Variants in CPED1 observed in about 807,000 individuals in gnomAD.
The protein encoded by CPED1 is cadherin-like and PC-esterase domain-containing protein 1.
In CPED1, 114 loss-of-function variants were observed where a neutral mutation model predicts 128.2. That is an observed-to-expected ratio of 0.89 (90% CI 0.76 to 1.04). The LOEUF (loss-of-function observed/expected upper bound fraction) is 1.04, where lower values mean the gene tolerates loss of function less well. CPED1 is among the 50% of genes least tolerant of loss of function. CPED1 has a pLI of 0.00. For missense variants in CPED1, 1,211 were observed against 1,207.1 expected (o/e 1.00, Z -0.05); for synonymous variants, 462 against 426.7 (o/e 1.08, Z -1.02).
intron 22 of CPED1, among the ~76,000 whole-genome samples, chr7:121,286,341 C>T (rs1448144964): frequency 6.6e-6 from 1 of 152,170 alleles, no homozygotes; most frequent in Non-Finnish European, 1.5e-5. Context: ...GTGAGACATT[C>T]CAAGTTGCAT....
At chr7:121,125,323 G>A (rs1454723556) in intron 8 of CPED1, among the ~76,000 whole-genome samples, 1 of 151,970 alleles carries the variant, frequency 6.6e-6, no homozygotes, top group Non-Finnish European at 1.5e-5. Context: ...TTTAAGTTCT[G>A]GGATATATGT....
In CPED1 at chr7:121,182,985, T is replaced by C. The variant is rs1012076133; in HGVS notation, c.2055+40844T>C. ...CTATTTATTATCCTGAGTTCCTATCTTTGTCTTTTCAAAGAAAAAAAAAAC... is the reference window on the plus strand; with the variant it reads ...CTATTTATTATCCTGAGTTCCTATCCTTGTCTTTTCAAAGAAAAAAAAAAC... On this transcript the variant is annotated intron_variant, in intron 16 of 22. Transcript: ENST00000310396. Among the ~76,000 whole-genome samples the C allele has an allele frequency of 6.6e-5, 10 of 152,016 alleles. 1 individual carries two copies. The highest frequency in any genetic ancestry group is 3.9e-4 in the Admixed American group (6 of 15,238).
chr7:121,124,876 T>C (rs1795467689), intron 8 of CPED1, among the ~76,000 whole-genome samples: 1 of 152,230 alleles, frequency 6.6e-6, no homozygotes, highest in South Asian at 2.1e-4. Flanking sequence ...AGAACTTTAT[T>C]AAGAAAATTC....
intron 3 of CPED1, 54 bp from the exon 4 acceptor site, chr7:121,046,833 C>G: frequency 8.6e-7 from 1 of 1,162,806 alleles, no homozygotes; most frequent in Admixed American, 2.1e-5. Context: ...TTAAATATTG[C>G]TTTTAAAATA....
chr7:121,130,048 T>C (rs954137525), intron 11 of CPED1, 77 bp from the exon 12 acceptor site: 3 of 1,094,164 alleles, frequency 2.7e-6, no homozygotes, highest in African/African-American at 3.3e-5. Context: ...AATAAATGAC[T>C]AAGTATAAGG....
At chr7:121,239,382 G>T (rs1798335123) in intron 17 of CPED1, among the ~76,000 whole-genome samples, 1 of 151,788 alleles carries the variant, frequency 6.6e-6, no homozygotes, top group South Asian at 2.1e-4. Flanking sequence ...TTAGGAAATA[G>T]TTTAACTGTA....
intron 16 of CPED1, among the ~76,000 whole-genome samples, chr7:121,196,056 C>T (rs1230770094): frequency 5.9e-5 from 9 of 151,964 alleles, no homozygotes; most frequent in Admixed American, 5.9e-4. Flanking sequence ...CAAAGAAAAC[C>T]TTGTTGTAAG....
chr7:121,067,370 T>C (rs1257369886), intron 5 of CPED1, among the ~76,000 whole-genome samples: 1 of 152,090 alleles, frequency 6.6e-6, no homozygotes, highest in Non-Finnish European at 1.5e-5. Flanking sequence ...TGGTGTTTGT[T>C]TTTTTGTCCT....
At chr7:121,055,828 A>G (rs919654010) in intron 4 of CPED1, among the ~76,000 whole-genome samples, 5 of 151,972 alleles carry the variant, frequency 3.3e-5, no homozygotes, top group Admixed American at 1.3e-4. Context: ...TCTCCCAGAA[A>G]TGAATAGAAG....
chr7:121,113,245 T>C (rs1412629328), intron 7 of CPED1, among the ~76,000 whole-genome samples: 1 of 152,196 alleles, frequency 6.6e-6, no homozygotes, highest in African/African-American at 2.4e-5. Context: ...AAATCCCTAC[T>C]ATGTGCTGGG....
At chr7:120,992,262 A>T (rs1373909348) in intron 2 of CPED1, among the ~76,000 whole-genome samples, 1 of 152,136 alleles carries the variant, frequency 6.6e-6, no homozygotes, top group Non-Finnish European at 1.5e-5. Flanking sequence ...CTATCTGTAA[A>T]TTTTGGATTT....
intron 16 of CPED1, among the ~76,000 whole-genome samples, chr7:121,236,277 A>G (rs117600626): frequency 6.6e-6 from 1 of 152,296 alleles, no homozygotes; most frequent in Non-Finnish European, 1.5e-5. Flanking sequence ...AAATACATGC[A>G]TCTGATTCCA....
chr7:121,130,161 A>T lies in CPED1; in HGVS notation c.1444A>T (p.Met482Leu). The T allele has an allele frequency of 6.2e-7, 1 of 1,612,800 alleles. No individual in the cohort carries two copies. The highest frequency in any genetic ancestry group is 8.5e-7 in the Non-Finnish European group (1 of 1,179,060). ...PSTTPGIQSL[M>L]HEFYDVANPV... is the part of the protein sequence containing the mutation. The stretch of plus-strand genomic sequence containing the variant: ...TACTACTCCTGGGATTCAGTCACTG[A>T]TGCATGAATTTTATGATGTGGCAAA... The change falls in exon 12 of 23, where the codon ATG becomes TTG. Residue 482 changes from methionine (M) to leucine (L), a missense_variant. Transcript: ENST00000310396.
chr7:121,044,648 C>CTTTTTGTTT (rs35159862), intron 3 of CPED1, among the ~76,000 whole-genome samples: 1 of 69,540 alleles, frequency 1.4e-5, no homozygotes, highest in Non-Finnish European at 2.8e-5. Flanking sequence ...TGACTTTCTG[C>CTTTTTGTTT]TCTTTTTTTT....
At chr7:121,058,693 A>G (rs1267459230) in intron 4 of CPED1, among the ~76,000 whole-genome samples, 1 of 152,232 alleles carries the variant, frequency 6.6e-6, no homozygotes, top group Non-Finnish European at 1.5e-5. Context: ...TAGGCAAAGC[A>G]CCTACAGCCT....
chr7:121,101,151 C>G (rs969970976), intron 7 of CPED1, among the ~76,000 whole-genome samples: 2 of 152,190 alleles, frequency 1.3e-5, no homozygotes, highest in Non-Finnish European at 2.9e-5. Flanking sequence ...TCTCAAGACT[C>G]TTTTGGTCTC....
chr7:121,264,736 G>C (rs1187591151), intron 18 of CPED1, among the ~76,000 whole-genome samples: 3 of 151,982 alleles, frequency 2.0e-5, no homozygotes, highest in Non-Finnish European at 4.4e-5. Flanking sequence ...CTAATAGAAA[G>C]AGAAATCTCC....
intron 14 of CPED1, among the ~76,000 whole-genome samples, chr7:121,138,270 T>G (rs1350422994): frequency 1.3e-5 from 2 of 152,016 alleles, no homozygotes; most frequent in Admixed American, 6.6e-5. Flanking sequence ...TCAAACAGCT[T>G]TCCCATATAT....
chr7:121,174,489 A>G (rs1194822751), intron 16 of CPED1, among the ~76,000 whole-genome samples: 1 of 143,552 alleles, frequency 7.0e-6, no homozygotes, highest in Non-Finnish European at 1.5e-5. Flanking sequence ...TCCTTTCCCC[A>G]TTGCTTTTTT....
Sources: gnomAD v4.1 joint callset for allele counts (sites outside exome capture counted in the v4.1 genomes callset) on GRCh38, gnomAD v4.1.1 for gene constraint, MANE v1.5 for transcripts, NCBI Gene and HGNC (gene_info 2026-07-23, HGNC 2026-07-21) for gene names.